CHCHD3: variants seen among roughly 807,000 people sequenced by gnomAD.
CHCHD3 encodes the protein MICOS complex subunit MIC19.
In CHCHD3, 20 loss-of-function variants were observed where a neutral mutation model predicts 38.2. The observed-to-expected ratio is 0.52, with a 90% CI of 0.37 to 0.76. The LOEUF is 0.76. Ranked by LOEUF, CHCHD3 falls within the 30% of genes least tolerant of loss-of-function variation. The pLI is 0.00. For missense variants in CHCHD3, 245 were observed against 279.2 expected (o/e 0.88, Z 0.87); for synonymous variants, 82 against 100.0 (o/e 0.82, Z 1.07).
intron 6 of CHCHD3, among the ~76,000 whole-genome samples, chr7:132,832,183 C>A (rs181898512): frequency 1.3e-5 from 2 of 152,184 alleles, no homozygotes; most frequent in African/African-American, 4.8e-5. Flanking sequence ...TAGTATTCCT[C>A]AGATACTCTA....
intron 3 of CHCHD3, among the ~76,000 whole-genome samples, chr7:133,003,568 TGGA>T (rs1363938541): frequency 8.5e-5 from 13 of 152,212 alleles, no homozygotes; most frequent in Non-Finnish European, 1.5e-4. Flanking sequence ...TATGTGACAG[TGGA>T]AAAGCACCAT....
chr7:132,910,798 C>T (rs546060898), intron 4 of CHCHD3, among the ~76,000 whole-genome samples: 4 of 152,206 alleles, frequency 2.6e-5, no homozygotes, highest in Non-Finnish European at 5.9e-5. Flanking sequence ...AGACGTTGCT[C>T]AGCCAGCACT....
At chr7:133,036,736 T>C (rs1813688995) in intron 2 of CHCHD3, among the ~76,000 whole-genome samples, 1 of 152,172 alleles carries the variant, frequency 6.6e-6, no homozygotes, top group African/African-American at 2.4e-5. Context: ...TATTTTCAGG[T>C]CAAACATGAA....
chr7:133,010,251 G>T (rs1211633387), intron 3 of CHCHD3, among the ~76,000 whole-genome samples: 2 of 152,068 alleles, frequency 1.3e-5, no homozygotes, highest in Admixed American at 1.3e-4. Context: ...TGGCAGAGTG[G>T]GGGTCACCTA....
rs534250056 is a variant in CHCHD3, at chr7:132,921,335, C to A, written c.370-35590G>T. Among the ~76,000 whole-genome samples the A allele has an allele frequency of 3.9e-5, 6 of 152,206 alleles. No homozygotes were observed. The East Asian group carries it at 1.2e-3, about 29-fold the overall frequency. ...TATATATACTTGAAATATACTTACA[C>A]CACTACTTTCCTCCAGGCTCTGAAA... is the stretch of plus-strand genomic sequence containing the variant. On this transcript the variant is annotated intron_variant, in intron 4 of 7. Transcript: ENST00000262570.
intron 3 of CHCHD3, among the ~76,000 whole-genome samples, chr7:133,013,185 CAAAAAAAAAA>C (rs778964079): frequency 8.7e-4 from 16 of 18,426 alleles, no homozygotes; most frequent in Non-Finnish European, 1.3e-3. Flanking sequence ...GACTCCGCCT[CAAAAAAAAAA>C]AAAAAAAAAA....
At chr7:132,870,060 C>T (rs1393327721) in intron 5 of CHCHD3, among the ~76,000 whole-genome samples, 1 of 151,712 alleles carries the variant, frequency 6.6e-6, no homozygotes, top group East Asian at 1.9e-4. Flanking sequence ...TTCAATATAA[C>T]AAAATAATGG....
At chr7:132,787,242 A>G (rs1474135415) in intron 7 of CHCHD3, among the ~76,000 whole-genome samples, 1 of 152,204 alleles carries the variant, frequency 6.6e-6, no homozygotes, top group Non-Finnish European at 1.5e-5. Flanking sequence ...TGCTAGCCAC[A>G]GAAAACATGG....
chr7:132,875,926 A>G (rs1485432639), intron 5 of CHCHD3, among the ~76,000 whole-genome samples: 1 of 152,232 alleles, frequency 6.6e-6, no homozygotes, highest in African/African-American at 2.4e-5. Context: ...TTATGAGCTA[A>G]TATTATTTGC....
At chr7:133,002,631 G>T (rs1812603531) in intron 3 of CHCHD3, among the ~76,000 whole-genome samples, 1 of 151,816 alleles carries the variant, frequency 6.6e-6, no homozygotes, top group African/African-American at 2.4e-5. Context: ...ACAATTTGAG[G>T]CTACAACATA....
intron 2 of CHCHD3, among the ~76,000 whole-genome samples, chr7:133,063,494 T>A (rs917585757): frequency 1.3e-5 from 2 of 152,212 alleles, no homozygotes; most frequent in Non-Finnish European, 2.9e-5. Flanking sequence ...GTCTCACGCA[T>A]TTGAGGGCAA....
chr7:132,862,190 AG>A (rs991718568), intron 5 of CHCHD3, among the ~76,000 whole-genome samples: 2 of 151,898 alleles, frequency 1.3e-5, no homozygotes, highest in Non-Finnish European at 2.9e-5. Context: ...GAGGGAAAGA[AG>A]GGAGAGGAAC....
At chr7:132,897,585 A>G (rs1809533204) in intron 4 of CHCHD3, among the ~76,000 whole-genome samples, 1 of 152,212 alleles carries the variant, frequency 6.6e-6, no homozygotes, top group Non-Finnish European at 1.5e-5. Flanking sequence ...CTGCCTCTTG[A>G]CAGCAGTGTA....
At chr7:132,913,353 TTAGAG>T (rs1182501555) in intron 4 of CHCHD3, among the ~76,000 whole-genome samples, 6 of 152,134 alleles carry the variant, frequency 3.9e-5, no homozygotes, top group African/African-American at 1.2e-4. Context: ...GCATGGAACT[TTAGAG>T]AAGGGGAAAT....
chr7:132,955,173 G>GGGGTGTGT (rs138213006), intron 4 of CHCHD3, among the ~76,000 whole-genome samples: 9,575 of 126,310 alleles, frequency 0.076, 518 homozygotes, highest in Non-Finnish European at 0.092. Context: ...TCCCTCAGAG[G>GGGGTGTGT]GTGTGTGTGT....
intron 6 of CHCHD3, among the ~76,000 whole-genome samples, chr7:132,825,640 T>TA (rs1196071282): frequency 2.6e-5 from 4 of 152,228 alleles, no homozygotes; most frequent in Non-Finnish European, 2.9e-5. Flanking sequence ...ATGGAGGTGT[T>TA]ACGAATGTAA....
chr7:133,042,992 C>G (rs1407317238), intron 2 of CHCHD3, among the ~76,000 whole-genome samples: 1 of 151,950 alleles, frequency 6.6e-6, no homozygotes, highest in African/African-American at 2.4e-5. Context: ...TCAGCCCCAC[C>G]GAGCAGCTGG....
chr7:132,963,791 C>G (rs1337745402), intron 4 of CHCHD3, among the ~76,000 whole-genome samples: 1 of 151,864 alleles, frequency 6.6e-6, no homozygotes, highest in Non-Finnish European at 1.5e-5. Context: ...CAGCTCTTTC[C>G]TATCATTCTA....
chr7:132,816,452 C>T (rs1356734149), intron 6 of CHCHD3, among the ~76,000 whole-genome samples: 1 of 152,108 alleles, frequency 6.6e-6, no homozygotes, highest in East Asian at 1.9e-4. Context: ...CACTAGATTG[C>T]CTTTATGAGC....
Sources: allele counts gnomAD v4.1 joint callset (sites outside exome capture counted in the v4.1 genomes callset), GRCh38; gene constraint gnomAD v4.1.1; transcripts MANE v1.5; gene names NCBI Gene and HGNC (gene_info 2026-07-23, HGNC 2026-07-21).